The following HTR7 variants were observed in gnomAD, a reference collection of about 807,000 sequenced individuals.
The protein encoded by HTR7 is 5-HT-7.
HTR7 carries 16 observed loss-of-function variants against 34.0 expected under a neutral mutation model. The observed-to-expected ratio is 0.47, with a 90% CI of 0.32 to 0.71. HTR7 has a LOEUF of 0.71. Among genes scored for constraint, HTR7 ranks in the 30% least tolerant of loss-of-function variants. HTR7 has a pLI of 0.04. For missense variants in HTR7, 504 were observed against 625.5 expected (o/e 0.81, Z 2.07); for synonymous variants, 265 against 260.2 (o/e 1.02, Z -0.18).
intron 1 of HTR7, among the ~76,000 whole-genome samples, chr10:90,851,178 T>C (rs1846492581): frequency 6.6e-6 from 1 of 151,272 alleles, no homozygotes; most frequent in Admixed American, 6.6e-5. Flanking sequence ...TTCCATGGAG[T>C]GATAATAATG....
chr10:90,823,289 G>C (rs1372722830), intron 1 of HTR7, among the ~76,000 whole-genome samples: 1 of 152,224 alleles, frequency 6.6e-6, no homozygotes, highest in Non-Finnish European at 1.5e-5. Context: ...GCTGCCCAAG[G>C]CCTTGGGAGC....
At chr10:90,811,753 G>A (rs1189600360) in intron 1 of HTR7, among the ~76,000 whole-genome samples, 6 of 152,034 alleles carry the variant, frequency 3.9e-5, no homozygotes, top group South Asian at 2.1e-4. Context: ...AACATGCCCC[G>A]AGTCAGGAAA....
intron 2 of HTR7, among the ~76,000 whole-genome samples, chr10:90,747,682 CAG>C (rs1313670145): frequency 6.6e-6 from 1 of 152,132 alleles, no homozygotes; most frequent in Non-Finnish European, 1.5e-5. Context: ...TGTTGAAAGA[CAG>C]GGGTGGACAA....
chr10:90,764,117 TC>T (rs1844981357), intron 1 of HTR7, among the ~76,000 whole-genome samples: 1 of 152,156 alleles, frequency 6.6e-6, no homozygotes, highest in Non-Finnish European at 1.5e-5. Flanking sequence ...CTCACCAGAA[TC>T]TATTGTTTTT....
At chr10:90,745,415 A>G (rs1202145882) in intron 2 of HTR7, among the ~76,000 whole-genome samples, 5 of 152,158 alleles carry the variant, frequency 3.3e-5, no homozygotes, top group East Asian at 1.9e-4. Context: ...ATTACCTCCT[A>G]AAGAATCCAC....
At chr10:90,780,578 T>A (rs2119843394) in intron 1 of HTR7, among the ~76,000 whole-genome samples, 1 of 150,866 alleles carries the variant, frequency 6.6e-6, no homozygotes, top group Admixed American at 6.6e-5. Flanking sequence ...GCACAGTATG[T>A]GCCACATGGA....
intron 1 of HTR7, among the ~76,000 whole-genome samples, chr10:90,792,021 C>A (rs771852494): frequency 1.3e-5 from 2 of 152,044 alleles, no homozygotes; most frequent in Non-Finnish European, 2.9e-5. Flanking sequence ...GCATTTACCA[C>A]GCAGAAAGAT....
chr10:90,770,611 C>T (rs1845094222), intron 1 of HTR7, among the ~76,000 whole-genome samples: 1 of 152,198 alleles, frequency 6.6e-6, no homozygotes, highest in Non-Finnish European at 1.5e-5. Context: ...TGTCACAGCC[C>T]AGCCAGGTGT....
intron 1 of HTR7, among the ~76,000 whole-genome samples, chr10:90,842,874 A>G (rs1350538453): frequency 6.6e-6 from 1 of 152,190 alleles, no homozygotes; most frequent in East Asian, 1.9e-4. Flanking sequence ...GGTGTTCTGC[A>G]GAACAGGAAG....
At chr10:90,814,089 T>G (rs1444788403) in intron 1 of HTR7, among the ~76,000 whole-genome samples, 1 of 152,236 alleles carries the variant, frequency 6.6e-6, no homozygotes, top group African/African-American at 2.4e-5. Context: ...GACCACTTAA[T>G]TGATTTCCTT....
At chr10:90,763,972 C>T (rs537384771) in intron 1 of HTR7, among the ~76,000 whole-genome samples, 1 of 152,102 alleles carries the variant, frequency 6.6e-6, no homozygotes, top group Non-Finnish European at 1.5e-5. Flanking sequence ...GGGTATATAC[C>T]CAGTAATGGG....
At chr10:90,826,232 C>T (rs1051228123) in intron 1 of HTR7, among the ~76,000 whole-genome samples, 1 of 152,040 alleles carries the variant, frequency 6.6e-6, no homozygotes, top group African/African-American at 2.4e-5. Flanking sequence ...AACTTTTACC[C>T]TAGAATAATA....
In HTR7 at chr10:90,857,834, C is replaced by T; in HGVS notation, c.-163G>A. The T allele has an allele frequency of 1.7e-6, 1 of 594,996 alleles. No homozygotes were observed. 36.9% of individuals were successfully genotyped at this position (594,996 alleles called of 1,614,324 possible). ...TGGCTCTGTCTCGGAGCCCCGCACTCCCCGGACCCCCGGCCGCTGCGGGTA... is the reference window on the plus strand; with the variant it reads ...TGGCTCTGTCTCGGAGCCCCGCACTTCCCGGACCCCCGGCCGCTGCGGGTA... On this transcript the variant is annotated 5_prime_UTR_variant, in exon 1 of 4. Coordinates refer to ENST00000336152, the MANE Select transcript of HTR7 (RefSeq NM_019859.4). This position sits in a 1 kb window ranked among gnomAD's most constrained non-coding sequence, Gnocchi z 6.5.
chr10:90,766,111 T>C (rs144031488), intron 1 of HTR7, among the ~76,000 whole-genome samples: 194 of 152,276 alleles, frequency 1.3e-3, no homozygotes, highest in Middle Eastern at 3.4e-3. Context: ...TTGTTGAGAG[T>C]AGGATATTTA....
intron 1 of HTR7, among the ~76,000 whole-genome samples, chr10:90,781,598 T>A (rs1564679957): frequency 6.6e-6 from 1 of 152,248 alleles, no homozygotes; most frequent in Non-Finnish European, 1.5e-5. Context: ...AAATACTGTG[T>A]GTTATTCTAC....
At chr10:90,846,058 G>A (rs191917009) in intron 1 of HTR7, among the ~76,000 whole-genome samples, 3 of 152,324 alleles carry the variant, frequency 2.0e-5, no homozygotes, top group African/African-American at 7.2e-5. Context: ...GAAGAAATGT[G>A]TACAAGTTGA....
At chr10:90,856,828 C>T (rs1053276071) in intron 1 of HTR7, among the ~76,000 whole-genome samples, 8 of 152,144 alleles carry the variant, frequency 5.3e-5, no homozygotes, top group Non-Finnish European at 7.4e-5. Context: ...CCCTTCCTTC[C>T]AAAAACCAAG....
Position 90,857,467 on chromosome 10 carries a change from C to T in HTR7, c.205G>A (p.Gly69Ser), listed in dbSNP as rs552654071. 2.7e-5 allele frequency: 43 copies of T among 1,613,854 alleles called. 1 individual carries two copies. In the South Asian group the frequency reaches 4.4e-4, roughly 16 times the overall value. ...CCGTAGTTGATCTGTTCCCCACAGC[C>T]GGAGGCATTGTCCGGGGGCGCGTCC... is the stretch of plus-strand genomic sequence containing the variant. ...TWDAPPDNAS[G>S]CGEQINYGRV... is the part of the protein sequence containing the mutation. Residue 69 changes from glycine to serine, a missense_variant, in exon 1 of 4, where the codon GGC becomes AGC. This residue lies in a region of HTR7 where 139 missense variants were observed against 117.1 expected (regional missense o/e 1.19). Transcript: ENST00000336152. This position sits in a 1 kb window ranked among gnomAD's most constrained non-coding sequence, Gnocchi z 6.5.
rs114054829 is a variant in HTR7 at position 90,784,535 on chromosome 10, A to G, written c.540-34941T>C. Among the ~76,000 whole-genome samples, 546 of 152,372 alleles carry G rather than the reference A, an allele frequency of 3.6e-3. 2 individuals carry two copies. The highest frequency in any genetic ancestry group is 0.013 in the African/African-American group (529 of 41,580). Reference sequence around the variant, plus strand: ...CATCCTCAATAAATGGAAGCCATAAAAACAAATTCTACTACTATCTAGTTT... The same window carrying G: ...CATCCTCAATAAATGGAAGCCATAAGAACAAATTCTACTACTATCTAGTTT... On this transcript the variant is annotated intron_variant, in intron 1 of 3. Coordinates refer to ENST00000336152, the MANE Select transcript of HTR7 (RefSeq NM_019859.4).
Sources: allele counts gnomAD v4.1 joint callset (sites outside exome capture counted in the v4.1 genomes callset), GRCh38; gene constraint gnomAD v4.1.1; regional missense constraint gnomAD v4.1.1; non-coding constraint Gnocchi (gnomAD v3.1); transcripts MANE v1.5; gene names NCBI Gene and HGNC (gene_info 2026-07-23, HGNC 2026-07-21).